Variants in RTEL1 observed in about 807,000 individuals in gnomAD.
RTEL1 encodes regulator of telomere length.
In RTEL1, 86 loss-of-function variants were observed where a neutral mutation model predicts 162.2. The observed-to-expected ratio is 0.53, with a 90% CI of 0.45 to 0.63. RTEL1 has a LOEUF of 0.63. Ranked by LOEUF, RTEL1 falls within the 30% of genes least tolerant of loss-of-function variation. The probability of loss-of-function intolerance (pLI) is 0.00; values close to 1 mark genes in which losing one functional copy is unlikely to be tolerated. For missense variants in RTEL1, 1,941 were observed against 1,750.2 expected, an observed-to-expected ratio of 1.11 and a Z score of -1.95; for synonymous variants, 958 against 717.9, an observed-to-expected ratio of 1.33 and a Z score of -5.35.
rs1276588753 is a variant in RTEL1 at position 63,661,031 on chromosome 20, C to T, written c.103-267C>T. Among the ~76,000 whole-genome samples the T allele has an allele frequency of 1.3e-5, 2 of 152,266 alleles. No homozygotes were observed. The highest frequency in any genetic ancestry group is 2.1e-4 in the South Asian group (1 of 4,834). On this transcript the variant is annotated intron_variant, in intron 2 of 34. Transcript: ENST00000360203. This position sits in a 1 kb window ranked among gnomAD's most constrained non-coding sequence, Gnocchi z 5.1. ...ACTTGACACCTAATTAGTCATCTTA[C>T]TATTTAAGCTGAAAAATAGTGTCGT...
chr20:63,684,617 A>G (rs886308188), intron 14 of RTEL1, among the ~76,000 whole-genome samples: 1 of 152,176 alleles, frequency 6.6e-6, no homozygotes, highest in Non-Finnish European at 1.5e-5. Flanking sequence ...TGCTGGGATT[A>G]CAGGCATGAG....
intron 30 of RTEL1, 149 bp from the exon 31 acceptor site, chr20:63,694,223 C>T (rs1410095042): frequency 2.9e-6 from 2 of 692,548 alleles, no homozygotes; most frequent in Middle Eastern, 2.5e-4. Context: ...CTCTGATGCC[C>T]CCAGCACCCA....
intron 30 of RTEL1, among the ~76,000 whole-genome samples, chr20:63,693,858 C>G (rs949959315): frequency 2.4e-4 from 36 of 148,476 alleles, no homozygotes; most frequent in African/African-American, 8.0e-4. Context: ...ACAGCCCTGT[C>G]CAACTGCCAC....
intron 7 of RTEL1, among the ~76,000 whole-genome samples, chr20:63,667,072 C>T (rs1388870091): frequency 6.6e-6 from 1 of 151,996 alleles, no homozygotes; most frequent in South Asian, 2.1e-4. Flanking sequence ...ATCTTCTGAC[C>T]TTGTGATCCG....
chr20:63,687,296 G>A (rs563635180), intron 16 of RTEL1: 2 of 261,366 alleles, frequency 7.7e-6, no homozygotes, highest in Non-Finnish European at 7.3e-6. Context: ...CTTCCCGTGT[G>A]CTCTTGGCGG....
chr20:63,679,785 C>A, intron 12 of RTEL1, 64 bp from the exon 13 acceptor site: 1 of 1,281,542 alleles, frequency 7.8e-7, no homozygotes, highest in Non-Finnish European at 1.1e-6. Flanking sequence ...TTCTTCTCCT[C>A]AGTTCCCAAA....
In RTEL1 at chr20:63,680,581, C is replaced by T. The variant is rs6089958; in HGVS notation, c.1136-83C>T. ...GATGGAGCTTGGCAGTCGGGCTGAGCGGGCTCATGCTGGAAGGGCCGGGGC... is the reference window on the plus strand; with the variant it reads ...GATGGAGCTTGGCAGTCGGGCTGAGTGGGCTCATGCTGGAAGGGCCGGGGC... On this transcript the variant is annotated intron_variant, in intron 13 of 34. Coordinates refer to ENST00000360203, the MANE Select transcript of RTEL1 (RefSeq NM_001283009.2). 6.0e-4 allele frequency: 868 copies of T among 1,452,152 alleles called. 4 individuals carry two copies. The African/African-American group carries it at 0.01, about 17-fold the overall frequency. 90.0% of individuals were successfully genotyped at this position (1,452,152 alleles called of 1,614,324 possible). A position where few individuals can be genotyped will look rare whatever the true frequency, so the allele number is the denominator to read the frequency against.
In RTEL1 at chr20:63,688,934, C is replaced by G; in HGVS notation, c.1801-121C>G. 4.5e-6 allele frequency: 4 copies of G among 883,564 alleles called. No homozygotes were observed. In the South Asian group the frequency reaches 5.9e-5, roughly 13 times the overall value. The allele number at this position is 883,564 out of a possible 1,614,324, so 54.7% of individuals were successfully genotyped here. On this transcript the variant is annotated intron_variant, in intron 21 of 34. Transcript: ENST00000360203. ...GTGCCAGGAAGAAGCTTCCAGAACC[C>G]GATTGGCCTTCCTGGCTAGGACGAT...
chr20:63,669,527 A>G (rs1315168310), intron 8 of RTEL1, among the ~76,000 whole-genome samples: 1 of 152,252 alleles, frequency 6.6e-6, no homozygotes, highest in Non-Finnish European at 1.5e-5. Flanking sequence ...AGGACTTAAA[A>G]AATTTTTTCA....
rs1301717045 is a variant in RTEL1, at chr20:63,670,811, C to T, written c.700-1745C>T. On this transcript the variant is annotated intron_variant, in intron 8 of 34. Transcript: ENST00000360203. The stretch of plus-strand genomic sequence containing the variant: ...CAGCCTAGGCAACATAGGGAGACCC[C>T]ATCTCAAAAAAAAAAAAAAAGAAAA... Among the ~76,000 whole-genome samples, 7 of 117,580 alleles carry T rather than the reference C, an allele frequency of 6.0e-5. No homozygotes were observed. The East Asian group carries it at 1.2e-3, about 20-fold the overall frequency. The allele number at this position is 117,580 out of a possible 152,430, so 77.1% of individuals were successfully genotyped here.
intron 21 of RTEL1, 84 bp downstream of exon 21, chr20:63,688,689 C>T: frequency 1.5e-6 from 2 of 1,320,246 alleles, no homozygotes; most frequent in African/African-American, 1.5e-5. Flanking sequence ...TGACCACTGG[C>T]CCTGACCATG....
chr20:63,684,680 C>T (rs143679660), intron 14 of RTEL1, among the ~76,000 whole-genome samples: 215 of 152,178 alleles, frequency 1.4e-3, no homozygotes, highest in African/African-American at 5.1e-3. Flanking sequence ...GCCATGTTGG[C>T]CAGGCTGGTC....
rs746824222 is a variant in RTEL1 at position 63,689,782 on chromosome 20, G to A, written c.2058G>A (p.Gln686=). The A allele has an allele frequency of 2.5e-6, 4 of 1,612,246 alleles. No individual in the cohort carries two copies. The highest frequency in any genetic ancestry group is 2.2e-5 in the East Asian group (1 of 44,866). The change falls in exon 24 of 35, where the codon CAG becomes CAA. Residue 686 remains glutamine, a synonymous_variant. Transcript: ENST00000360203. ...CTGGGCAGGAGTGGTACCGGCAGCAGGCGTCCAGGGCTGTGAACCAGGCCA... is the reference window on the plus strand; with the variant it reads ...CTGGGCAGGAGTGGTACCGGCAGCAAGCGTCCAGGGCTGTGAACCAGGCCA... ...FLSGQEWYRQ[Q]ASRAVNQAIG...
intron 14 of RTEL1, chr20:63,682,539 C>G (rs1321024305): frequency 1.0e-6 from 1 of 985,744 alleles, no homozygotes; most frequent in East Asian, 1.1e-4. Flanking sequence ...TTGGAATTTC[C>G]TTTGGCTGCT....
chr20:63,668,032 C>T lies in RTEL1; in HGVS notation c.699+479C>T, dbSNP rs1050364771. Among the ~76,000 whole-genome samples, 13 of 149,450 alleles carry T rather than the reference C, an allele frequency of 8.7e-5. No individual in the cohort carries two copies. The highest frequency in any genetic ancestry group is 1.3e-4 in the Non-Finnish European group (9 of 67,272). The stretch of plus-strand genomic sequence containing the variant: ...ACTCACTCCCCCCACAGCATGTGCC[C>T]GGCCTGACACTCACTCCCCTCCTCC... On this transcript the variant is annotated intron_variant, in intron 8 of 34. Coordinates refer to ENST00000360203, the MANE Select transcript of RTEL1 (RefSeq NM_001283009.2). The surrounding 1 kb of genome is among the most constrained non-coding windows in gnomAD (Gnocchi z 4.3).
intron 27 of RTEL1, among the ~76,000 whole-genome samples, chr20:63,691,523 C>A (rs535267086): frequency 2.6e-5 from 4 of 152,248 alleles, no homozygotes; most frequent in East Asian, 3.9e-4. Flanking sequence ...CCTGGACCTG[C>A]TCTTACAAGT....
At position 63,691,933 on chromosome 20, in the gene RTEL1, C is replaced by T. The variant is rs116632161; in HGVS notation, c.2652+96C>T. Reference sequence around the variant, plus strand: ...CAGCCACGGCTGGTCCCGATGGGACCAGGGAATCCACCCCCAGGAGCTGAT... The same window carrying T: ...CAGCCACGGCTGGTCCCGATGGGACTAGGGAATCCACCCCCAGGAGCTGAT... On this transcript the variant is annotated intron_variant, in intron 28 of 34. Coordinates refer to ENST00000360203, the MANE Select transcript of RTEL1 (RefSeq NM_001283009.2). The T allele has an allele frequency of 6.9e-4, 623 of 902,362 alleles. 5 individuals are homozygous for T. The African/African-American group carries it at 9.4e-3, about 14-fold the overall frequency. The allele number at this position is 902,362 out of a possible 1,614,324, so 55.9% of individuals were successfully genotyped here.
chr20:63,693,435 A>ACCTCCACCT, intron 30 of RTEL1, 152 bp downstream of exon 30: 1 of 812,804 alleles, frequency 1.2e-6, no homozygotes, highest in South Asian at 1.7e-5. Flanking sequence ...CACCTCCACC[A>ACCTCCACCT]CCAGCACCAG....
rs748518636 is a variant in RTEL1, at chr20:63,672,600, C to T, written c.744C>T (p.Ile248=). ...TTGACCTGAAGGGGACAGTCGTGAT[C>T]TTTGACGAAGCTCACAACGTGGTGA... ...HNIDLKGTVV[I]FDEAHNVEKM... Residue 248 remains isoleucine (I), a synonymous_variant, in exon 9 of 35, where the codon ATC becomes ATT. Transcript: ENST00000360203. 183 of 1,586,232 alleles carry T rather than the reference C, an allele frequency of 1.2e-4. 5 individuals are homozygous for T. In the South Asian group the frequency reaches 1.8e-3, roughly 16 times the overall value.
Sources: allele counts gnomAD v4.1 joint callset (sites outside exome capture counted in the v4.1 genomes callset), GRCh38; gene constraint gnomAD v4.1.1; non-coding constraint Gnocchi (gnomAD v3.1); transcripts MANE v1.5; gene names NCBI Gene and HGNC (gene_info 2026-07-23, HGNC 2026-07-21).